The following DNAJC15 variants were observed in gnomAD, a reference collection of about 807,000 sequenced individuals.
The protein encoded by DNAJC15 is dnaJ homolog subfamily C member 15.
A neutral mutation model predicts 22.4 loss-of-function variants in DNAJC15; 27 were observed. The observed-to-expected ratio is 1.20, with a 90% CI of 0.89 to 1.66. DNAJC15 has a LOEUF of 1.66. Ranked by LOEUF, DNAJC15 falls within the 40% of genes most tolerant of loss-of-function variation. The pLI is 0.00. For synonymous variants in DNAJC15, 79 were observed against 63.2 expected, an observed-to-expected ratio of 1.25 and a Z score of -1.19; for missense variants, 208 against 187.1, an observed-to-expected ratio of 1.11 and a Z score of -0.65.
intron 1 of DNAJC15, among the ~76,000 whole-genome samples, chr13:43,044,829 A>G (rs2040468947): frequency 6.6e-6 from 1 of 151,810 alleles, no homozygotes; most frequent in Non-Finnish European, 1.5e-5. Context: ...CCTCATTTCC[A>G]TCATTAATCG....
At chr13:43,044,889 TAC>T (rs1280115506) in intron 1 of DNAJC15, among the ~76,000 whole-genome samples, 1 of 152,086 alleles carries the variant, frequency 6.6e-6, no homozygotes, top group Non-Finnish European at 1.5e-5. Flanking sequence ...TTAATAGACT[TAC>T]AACTCATCCC....
At chr13:43,100,171 C>G (rs1306314050) in intron 5 of DNAJC15, among the ~76,000 whole-genome samples, 1 of 148,130 alleles carries the variant, frequency 6.8e-6, no homozygotes, top group Non-Finnish European at 1.5e-5. Flanking sequence ...CTTCTTTTTC[C>G]ATTGTCTTAG....
intron 1 of DNAJC15, among the ~76,000 whole-genome samples, chr13:43,042,801 GATTA>G (rs2040459932): frequency 6.6e-6 from 1 of 152,182 alleles, no homozygotes; most frequent in Non-Finnish European, 1.5e-5. Context: ...GGCCCACATA[GATTA>G]TCAAAGATAA....
At chr13:43,097,933 A>G (rs2040748909) in intron 5 of DNAJC15, among the ~76,000 whole-genome samples, 1 of 152,142 alleles carries the variant, frequency 6.6e-6, no homozygotes, top group Non-Finnish European at 1.5e-5. Flanking sequence ...GCAAAACTCC[A>G]TCTCAAAAAA....
At chr13:43,086,787 A>G (rs2040690846) in intron 5 of DNAJC15, among the ~76,000 whole-genome samples, 1 of 152,208 alleles carries the variant, frequency 6.6e-6, no homozygotes, top group African/African-American at 2.4e-5. Context: ...TTTACTTTGC[A>G]TTGTGGGCTA....
chr13:43,049,552 A>G (rs972377295), intron 1 of DNAJC15, among the ~76,000 whole-genome samples: 1 of 152,240 alleles, frequency 6.6e-6, no homozygotes, highest in African/African-American at 2.4e-5. Context: ...AGTTATGCCA[A>G]GTAAACCATA....
chr13:43,068,794 C>A, intron 2 of DNAJC15, 136 bp from the exon 3 acceptor site: 1 of 682,430 alleles, frequency 1.5e-6, no homozygotes, highest in South Asian at 4.7e-5. Context: ...AATTGACCAT[C>A]TTTCTGGTAA....
In DNAJC15 at chr13:43,110,982, A is replaced by C. The variant is rs939866187; in HGVS notation, c.*3734A>C. On this transcript the variant is annotated 3_prime_UTR_variant, in exon 6 of 6. Coordinates refer to ENST00000379221, the MANE Select transcript of DNAJC15 (RefSeq NM_013238.3). ...GATATTGCAGTTTCTGTGCATACTT[A>C]CATCTTAGATGCAATCTGAGGGCCT... 1.3e-5 allele frequency: 2 copies of C among 152,244 alleles called. No individual in the cohort carries two copies. Among genetic ancestry groups the C allele is most frequent in the Non-Finnish European group, 2.9e-5 (2 of 68,048 alleles). 9.4% of individuals were successfully genotyped at this position (152,244 alleles called of 1,614,324 possible).
At position 43,024,014 on chromosome 13, in the gene DNAJC15, T is replaced by G. The variant is rs1160234515; in HGVS notation, c.108+280T>G. On this transcript the variant is annotated intron_variant, in intron 1 of 5. Transcript: ENST00000379221. ...GCAATTGCAAATACAGTAAAATAAGTGCTGTATGTGGATTTTCCTATCTCA... is the reference window on the plus strand; with the variant it reads ...GCAATTGCAAATACAGTAAAATAAGGGCTGTATGTGGATTTTCCTATCTCA... 3.3e-5 allele frequency among the ~76,000 whole-genome samples: 5 copies of G among 152,166 alleles called. 1 individual carries two copies. The highest frequency in any genetic ancestry group is 2.0e-4 in the Admixed American group (3 of 15,272).
chr13:43,023,756 C>T (rs1297252610), intron 1 of DNAJC15, 22 bp downstream of exon 1: 1 of 1,586,068 alleles, frequency 6.3e-7, no homozygotes, highest in Non-Finnish European at 8.6e-7. Context: ...CAGCGGCCCC[C>T]ACCCCTCTCT....
chr13:43,051,822 G>A (rs755002271), intron 1 of DNAJC15, among the ~76,000 whole-genome samples: 2 of 152,048 alleles, frequency 1.3e-5, no homozygotes, highest in Non-Finnish European at 2.9e-5. Context: ...TGGGATTGCT[G>A]GATCAAACAG....
rs555946559 is a variant in DNAJC15, at chr13:43,082,335, A to G, written c.312-3433A>G. On this transcript the variant is annotated intron_variant, in intron 4 of 5. Coordinates refer to ENST00000379221, the MANE Select transcript of DNAJC15 (RefSeq NM_013238.3). ...TCATATTTAAAGTTATACTGGAGGT[A>G]TATCATCATAGCTACATTTAGTTTT... 6.2e-4 allele frequency among the ~76,000 whole-genome samples: 95 copies of G among 152,308 alleles called. 1 individual carries two copies. Among genetic ancestry groups the G allele is most frequent in the African/African-American group, 2.2e-3 (90 of 41,576 alleles).
intron 5 of DNAJC15, among the ~76,000 whole-genome samples, chr13:43,090,861 C>T (rs2040711445): frequency 6.6e-6 from 1 of 151,860 alleles, no homozygotes; most frequent in South Asian, 2.1e-4. Context: ...GCGCCCACCA[C>T]CACACCTGGC....
intron 5 of DNAJC15, among the ~76,000 whole-genome samples, chr13:43,106,574 CAAA>C (rs200088020): frequency 6.6e-6 from 1 of 151,678 alleles, no homozygotes; most frequent in Non-Finnish European, 1.5e-5. Context: ...TTTCAGAGAA[CAAA>C]AAAAATTTTT....
chr13:43,081,605 AT>A (rs1309140055), intron 4 of DNAJC15, among the ~76,000 whole-genome samples: 1 of 151,622 alleles, frequency 6.6e-6, no homozygotes, highest in African/African-American at 2.4e-5. Flanking sequence ...CGCCTGGCTA[AT>A]TTTTTGTATT....
chr13:43,033,961 G>A (rs1189013369), intron 1 of DNAJC15, among the ~76,000 whole-genome samples: 2 of 151,166 alleles, frequency 1.3e-5, no homozygotes, highest in Non-Finnish European at 2.9e-5. Context: ...CTGGGAGGCG[G>A]AGGTTGCAGT....
chr13:43,103,849 C>A (rs1314038278), intron 5 of DNAJC15, among the ~76,000 whole-genome samples: 1 of 152,128 alleles, frequency 6.6e-6, no homozygotes, highest in Non-Finnish European at 1.5e-5. Flanking sequence ...CAATTGCTTT[C>A]TCTTACCAGT....
Position 43,064,953 on chromosome 13 carries a change from G to T in DNAJC15, c.109-733G>T, listed in dbSNP as rs573121320. Among the ~76,000 whole-genome samples, 6 of 141,090 alleles carry T rather than the reference G, an allele frequency of 4.3e-5. No homozygotes were observed. In the South Asian group the frequency reaches 1.4e-3, roughly 34 times the overall value. The allele number at this position is 141,090 out of a possible 152,430, so 92.6% of individuals were successfully genotyped here. A position where few individuals can be genotyped will look rare whatever the true frequency, so the allele number is the denominator to read the frequency against. On this transcript the variant is annotated intron_variant, in intron 1 of 5. Coordinates refer to ENST00000379221, the MANE Select transcript of DNAJC15 (RefSeq NM_013238.3). ...GAAAAATATATCTAGCTAAAAACAGGAATTCCTGATCATATTGAAAAAAAA... is the reference window on the plus strand; with the variant it reads ...GAAAAATATATCTAGCTAAAAACAGTAATTCCTGATCATATTGAAAAAAAA...
At chr13:43,097,586 C>T (rs1253408371) in intron 5 of DNAJC15, among the ~76,000 whole-genome samples, 1 of 151,976 alleles carries the variant, frequency 6.6e-6, no homozygotes, top group Non-Finnish European at 1.5e-5. Flanking sequence ...TGTAGTAATC[C>T]AAGAGAATGA....
Sources: allele counts gnomAD v4.1 joint callset (sites outside exome capture counted in the v4.1 genomes callset), GRCh38; gene constraint gnomAD v4.1.1; transcripts MANE v1.5; gene names NCBI Gene and HGNC (gene_info 2026-07-23, HGNC 2026-07-21).